Variants in MGAT4C observed in about 807,000 individuals in gnomAD.
MGAT4C encodes MGAT4 family member C, also known as alpha-1,3-mannosyl-glycoprotein 4-beta-N-acetylglucosaminyltransferase C.
A neutral mutation model predicts 40.1 loss-of-function variants in MGAT4C; 19 were observed. The observed-to-expected ratio is 0.47, with a 90% CI of 0.33 to 0.70. MGAT4C has a LOEUF of 0.70. Among genes scored for constraint, MGAT4C ranks in the 30% least tolerant of loss-of-function variants. The probability of loss-of-function intolerance (pLI) is 0.02; values close to 1 mark genes in which losing one functional copy is unlikely to be tolerated. For missense variants in MGAT4C, 491 were observed against 563.2 expected (o/e 0.87, Z 1.30); for synonymous variants, 181 against 187.1 (o/e 0.97, Z 0.27).
chr12:86,044,671 G>C (rs944612854), intron 2 of MGAT4C, among the ~76,000 whole-genome samples: 10 of 152,214 alleles, frequency 6.6e-5, no homozygotes, highest in Middle Eastern at 3.4e-3. Flanking sequence ...GCTCTCTGAT[G>C]GTCAGGCACA....
intron 4 of MGAT4C, among the ~76,000 whole-genome samples, chr12:86,297,509 GC>G (rs1953710626): frequency 6.6e-6 from 1 of 152,156 alleles, no homozygotes; most frequent in Non-Finnish European, 1.5e-5. Context: ...AACTGTAAAA[GC>G]AAGTTAGTTG....
intron 2 of MGAT4C, among the ~76,000 whole-genome samples, chr12:86,012,141 T>G (rs1592682660): frequency 6.6e-6 from 1 of 152,200 alleles, no homozygotes; most frequent in African/African-American, 2.4e-5. Flanking sequence ...GGATGATACA[T>G]CATCTTTATA....
intron 3 of MGAT4C, among the ~76,000 whole-genome samples, chr12:86,353,171 C>G (rs1250265709): frequency 6.6e-6 from 1 of 152,014 alleles, no homozygotes; most frequent in Non-Finnish European, 1.5e-5. Context: ...TGGTCCTCCA[C>G]TTTTCAATGC....
intron 3 of MGAT4C, among the ~76,000 whole-genome samples, chr12:85,987,559 A>G (rs1307141965): frequency 1.3e-5 from 2 of 152,244 alleles, no homozygotes; most frequent in African/African-American, 4.8e-5. Flanking sequence ...CTTTAGTAGA[A>G]GAGCTACTTC....
At chr12:86,815,805 C>T (rs1952592008) in intron 1 of MGAT4C, among the ~76,000 whole-genome samples, 1 of 144,060 alleles carries the variant, frequency 6.9e-6, no homozygotes, top group Admixed American at 7.3e-5. Context: ...GAAAGCTAAG[C>T]TATGAGGACA....
At chr12:86,024,569 C>G (rs1265335667) in intron 2 of MGAT4C, among the ~76,000 whole-genome samples, 4 of 151,734 alleles carry the variant, frequency 2.6e-5, no homozygotes, top group Admixed American at 6.6e-5. Flanking sequence ...ACTCTAACAT[C>G]TGAATTGACA....
chr12:86,118,683 T>A (rs928493780), intron 1 of MGAT4C, among the ~76,000 whole-genome samples: 2 of 152,164 alleles, frequency 1.3e-5, no homozygotes, highest in East Asian at 3.9e-4. Context: ...AAATTAGATA[T>A]GTTTCTATAT....
chr12:86,752,252 T>A (rs1951240084), intron 1 of MGAT4C, among the ~76,000 whole-genome samples: 1 of 152,090 alleles, frequency 6.6e-6, no homozygotes, highest in Admixed American at 6.6e-5. Flanking sequence ...TAGTGTTCAA[T>A]CATTCAGTTA....
chr12:86,091,441 AAAT>A (rs1872862497), intron 1 of MGAT4C, among the ~76,000 whole-genome samples: 1 of 152,042 alleles, frequency 6.6e-6, no homozygotes, highest in Non-Finnish European at 1.5e-5. Context: ...ATCACTAGCC[AAAT>A]ACAAAAGAAA....
intron 2 of MGAT4C, among the ~76,000 whole-genome samples, chr12:86,632,830 A>T (rs1421474487): frequency 6.6e-6 from 1 of 152,100 alleles, no homozygotes; most frequent in Non-Finnish European, 1.5e-5. Flanking sequence ...TGGGTGCAGC[A>T]AACCAACATG....
At chr12:86,057,701 C>T (rs528942028) in intron 1 of MGAT4C, among the ~76,000 whole-genome samples, 1 of 152,282 alleles carries the variant, frequency 6.6e-6, no homozygotes, top group South Asian at 2.1e-4. Context: ...CTACCCAACG[C>T]TGTAACCTCA....
intron 1 of MGAT4C, among the ~76,000 whole-genome samples, chr12:86,156,356 CTTG>C (rs1884925674): frequency 6.6e-6 from 1 of 152,096 alleles, no homozygotes. Context: ...GAGTTCTGCT[CTTG>C]TTGTCCAGGC....
chr12:85,998,937 A>G (rs1886964038), intron 2 of MGAT4C, among the ~76,000 whole-genome samples: 1 of 152,154 alleles, frequency 6.6e-6, no homozygotes, highest in African/African-American at 2.4e-5. Context: ...TTACTGTATT[A>G]GTCCATTTTC....
At chr12:86,612,655 G>T (rs913276753) in intron 2 of MGAT4C, among the ~76,000 whole-genome samples, 1 of 149,736 alleles carries the variant, frequency 6.7e-6, no homozygotes, top group Non-Finnish European at 1.5e-5. Flanking sequence ...CAAGAGAATC[G>T]CTTGAATCCG....
At position 86,110,468 on chromosome 12, in the gene MGAT4C, T is replaced by A. The variant is rs1013681519; in HGVS notation, c.-56-60745A>T. Among the ~76,000 whole-genome samples the A allele has an allele frequency of 2.0e-5, 3 of 149,010 alleles. No homozygotes were observed. In the Admixed American group the frequency reaches 2.0e-4, roughly 10 times the overall value. On this transcript the variant is annotated intron_variant, in intron 1 of 4. Coordinates refer to ENST00000611864, the MANE Select transcript of MGAT4C (RefSeq NM_001351288.2). Reference sequence around the variant, plus strand: ...CTAAATTATTATATATGATGCCACATCAACTCTTCAATTACATTTATATTT... The same window carrying A: ...CTAAATTATTATATATGATGCCACAACAACTCTTCAATTACATTTATATTT...
intron 2 of MGAT4C, among the ~76,000 whole-genome samples, chr12:86,647,415 G>A (rs1207647503): frequency 6.6e-6 from 1 of 151,888 alleles, no homozygotes; most frequent in Non-Finnish European, 1.5e-5. Flanking sequence ...GAAATCTAGA[G>A]ACACAGTTTC....
At chr12:86,302,855 T>A (rs931560184) in intron 4 of MGAT4C, among the ~76,000 whole-genome samples, 2 of 150,706 alleles carry the variant, frequency 1.3e-5, no homozygotes, top group Non-Finnish European at 2.9e-5. Flanking sequence ...GTTGACATAC[T>A]TCTGTTAGAT....
At chr12:86,255,781 A>G (rs1317892869) in intron 1 of MGAT4C, among the ~76,000 whole-genome samples, 2 of 152,102 alleles carry the variant, frequency 1.3e-5, no homozygotes, top group Non-Finnish European at 2.9e-5. Flanking sequence ...TATAAATGCA[A>G]CTTTGGAAAA....
chr12:86,477,615 C>A (rs942493199), intron 2 of MGAT4C, among the ~76,000 whole-genome samples: 1 of 152,006 alleles, frequency 6.6e-6, no homozygotes, highest in African/African-American at 2.4e-5. Flanking sequence ...TTTTATTATA[C>A]TTTGAGTTCT....
Sources: gnomAD v4.1 joint callset for allele counts (sites outside exome capture counted in the v4.1 genomes callset) on GRCh38, gnomAD v4.1.1 for gene constraint, MANE v1.5 for transcripts, NCBI Gene and HGNC (gene_info 2026-07-23, HGNC 2026-07-21) for gene names.